The following EVI5 variants were observed in gnomAD, a reference collection of about 807,000 sequenced individuals.
EVI5 encodes ecotropic viral integration site 5.
EVI5 carries 73 observed loss-of-function variants against 112.0 expected under a neutral mutation model. The observed-to-expected ratio is 0.65, with a 90% CI of 0.54 to 0.79. The LOEUF (loss-of-function observed/expected upper bound fraction) is 0.79, where lower values mean the gene tolerates loss of function less well. EVI5 is among the 30% of genes least tolerant of loss of function. The pLI, the probability that EVI5 is intolerant of heterozygous loss-of-function variation, is 0.00. For missense variants in EVI5, 900 were observed against 968.8 expected, an observed-to-expected ratio of 0.93 and a Z score of 0.94; for synonymous variants, 305 against 319.9, an observed-to-expected ratio of 0.95 and a Z score of 0.50.
intron 2 of EVI5, among the ~76,000 whole-genome samples, chr1:92,718,449 A>G (rs1026057725): frequency 6.6e-6 from 1 of 152,192 alleles, no homozygotes; most frequent in African/African-American, 2.4e-5. Context: ...ACGACTGGGT[A>G]AATAACAAAA....
At chr1:92,699,586 C>T (rs1361199357) in intron 5 of EVI5, among the ~76,000 whole-genome samples, 2 of 151,986 alleles carry the variant, frequency 1.3e-5, no homozygotes, top group East Asian at 1.9e-4. Flanking sequence ...AATCATTGTG[C>T]GAACATCATA....
intron 18 of EVI5, among the ~76,000 whole-genome samples, chr1:92,586,606 CTGTGTGTGTGTGTGTGTG>C (rs61310991): frequency 1.4e-5 from 1 of 72,760 alleles, no homozygotes; most frequent in Non-Finnish European, 2.9e-5. Flanking sequence ...TTTTTTTTGG[CTGTGTGTGTGTGTGTGTG>C]TGTGTGTGTG....
At chr1:92,624,735 A>G (rs979663064) in intron 15 of EVI5, among the ~76,000 whole-genome samples, 3 of 151,520 alleles carry the variant, frequency 2.0e-5, no homozygotes, top group African/African-American at 7.3e-5. Flanking sequence ...TTATTGGAGA[A>G]AAGAGAGACC....
intron 1 of EVI5, among the ~76,000 whole-genome samples, chr1:92,758,743 G>C (rs1422652457): frequency 5.9e-5 from 9 of 151,850 alleles, no homozygotes; most frequent in Non-Finnish European, 4.4e-5. Flanking sequence ...GGTTATGTCA[G>C]AATACTAAAT....
Position 92,591,261 on chromosome 1 carries a change from C to G in EVI5, c.2070+14046G>C, listed in dbSNP as rs574355502. On this transcript the variant is annotated intron_variant, in intron 18 of 19. Transcript: ENST00000684568. ...ATGTCAGGATCAAATTCACACATAA[C>G]AATATTAACCTTAAATGTAAAGGGG... Among the ~76,000 whole-genome samples, 265 of 152,230 alleles carry G rather than the reference C, an allele frequency of 1.7e-3. 1 individual carries two copies. Among genetic ancestry groups the G allele is most frequent in the African/African-American group, 5.8e-3 (242 of 41,530 alleles).
intron 1 of EVI5, among the ~76,000 whole-genome samples, chr1:92,779,731 A>G (rs1570939263): frequency 6.6e-6 from 1 of 152,124 alleles, no homozygotes; most frequent in Admixed American, 6.5e-5. Flanking sequence ...TGCCAGATAA[A>G]GTGATATAAA....
At chr1:92,632,558 T>A (rs928761963) in intron 14 of EVI5, among the ~76,000 whole-genome samples, 10 of 152,126 alleles carry the variant, frequency 6.6e-5, no homozygotes, top group African/African-American at 1.9e-4. Flanking sequence ...TCTATTTGAT[T>A]ATTCTCTCTT....
At chr1:92,565,252 C>A (rs924788571) in intron 18 of EVI5, among the ~76,000 whole-genome samples, 1 of 152,144 alleles carries the variant, frequency 6.6e-6, no homozygotes, top group African/African-American at 2.4e-5. Context: ...TAATCAAACA[C>A]ACATGAATAC....
chr1:92,790,903 C>T (rs543742120), intron 1 of EVI5, among the ~76,000 whole-genome samples: 5 of 151,906 alleles, frequency 3.3e-5, no homozygotes, highest in South Asian at 2.1e-4. Context: ...CTTTAGAAGA[C>T]TCTGACATCA....
intron 18 of EVI5, among the ~76,000 whole-genome samples, chr1:92,594,006 T>C (rs1423452551): frequency 6.6e-6 from 1 of 152,204 alleles, no homozygotes; most frequent in Non-Finnish European, 1.5e-5. Context: ...CAAGGTAATT[T>C]ATAGATTCAA....
intron 19 of EVI5, among the ~76,000 whole-genome samples, chr1:92,531,056 T>A (rs12069582): frequency 1.3e-5 from 2 of 151,808 alleles, no homozygotes; most frequent in Non-Finnish European, 2.9e-5. Context: ...GTCAGATGAA[T>A]TGCGAACTAG....
At chr1:92,634,036 G>T (rs1658125443) in intron 14 of EVI5, among the ~76,000 whole-genome samples, 1 of 152,196 alleles carries the variant, frequency 6.6e-6, no homozygotes, top group Non-Finnish European at 1.5e-5. Flanking sequence ...TGTAGTTTCT[G>T]CTGAGAGATC....
chr1:92,673,453 T>C (rs1015316729), intron 10 of EVI5, among the ~76,000 whole-genome samples: 2 of 152,044 alleles, frequency 1.3e-5, no homozygotes, highest in Admixed American at 1.3e-4. Context: ...TTTTTAAAGA[T>C]TTGTGGGTTA....
intron 1 of EVI5, among the ~76,000 whole-genome samples, chr1:92,748,363 C>G (rs985822276): frequency 6.6e-6 from 1 of 152,230 alleles, no homozygotes; most frequent in Admixed American, 6.5e-5. Flanking sequence ...ATACCCCCAA[C>G]TGATTCTAGG....
chr1:92,561,544 G>T (rs1294797670), intron 19 of EVI5, among the ~76,000 whole-genome samples: 1 of 139,824 alleles, frequency 7.2e-6, no homozygotes, highest in South Asian at 2.4e-4. Context: ...TGGCAGTCCT[G>T]ATGAGACTGA....
intron 18 of EVI5, among the ~76,000 whole-genome samples, chr1:92,604,400 A>G (rs923530265): frequency 6.6e-6 from 1 of 151,800 alleles, no homozygotes; most frequent in African/African-American, 2.4e-5. Flanking sequence ...CTAAGATATT[A>G]GCTTAGGCCT....
chr1:92,736,289 CT>C, intron 2 of EVI5, 108 bp downstream of exon 2: 1 of 691,166 alleles, frequency 1.4e-6, no homozygotes, highest in East Asian at 2.7e-5. Context: ...CTGTAAATAA[CT>C]TTGATAAATA....
At chr1:92,788,405 C>A (rs1685815587), upstream of EVI5, among the ~76,000 whole-genome samples, 1 of 151,120 alleles carries the variant, frequency 6.6e-6, no homozygotes, top group Non-Finnish European at 1.5e-5. Context: ...ACCCGGGGGG[C>A]GGAGGTTGCA....
At position 92,605,302 on chromosome 1, in the gene EVI5, G is replaced by T; in HGVS notation, c.2070+5C>A. 6.3e-7 allele frequency: 1 copy of T among 1,580,942 alleles called. No homozygotes were observed. The highest frequency in any genetic ancestry group is 8.7e-7 in the Non-Finnish European group (1 of 1,150,620). On this transcript the variant is annotated splice_donor_5th_base_variant and intron_variant, in intron 18 of 19. Transcript: ENST00000684568. ...TACATGTACTTTATTATTTTCATAT[G>T]GTACCTGGATTTCAAGCTCAGCAAT...
Sources: gnomAD v4.1 joint callset for allele counts (sites outside exome capture counted in the v4.1 genomes callset) on GRCh38, gnomAD v4.1.1 for gene constraint, MANE v1.5 for transcripts, NCBI Gene and HGNC (gene_info 2026-07-23, HGNC 2026-07-21) for gene names.